Variants in ZC2HC1B observed in about 807,000 individuals in gnomAD.
ZC2HC1B encodes the protein zinc finger C2HC-type containing 1B.
ZC2HC1B carries 36 observed loss-of-function variants against 31.0 expected under a neutral mutation model. The ratio of observed to expected loss-of-function variants is 1.16; its 90% CI spans 0.89 to 1.54. The LOEUF (loss-of-function observed/expected upper bound fraction) is 1.54, where lower values mean the gene tolerates loss of function less well. Ranked by LOEUF, ZC2HC1B falls within the 40% of genes most tolerant of loss-of-function variation. The pLI is 0.00. For missense variants in ZC2HC1B, 260 were observed against 268.6 expected (o/e 0.97, Z 0.22); for synonymous variants, 73 against 88.0 (o/e 0.83, Z 0.95).
chr6:143,919,676 A>G (rs1445508152), intron 6 of ZC2HC1B, among the ~76,000 whole-genome samples: 1 of 152,206 alleles, frequency 6.6e-6, no homozygotes, highest in Non-Finnish European at 1.5e-5. Context: ...GGCCATGTCC[A>G]GATTGATCCA....
intron 6 of ZC2HC1B, among the ~76,000 whole-genome samples, chr6:143,931,616 G>A (rs149892939): frequency 6.6e-6 from 1 of 152,208 alleles, no homozygotes; most frequent in East Asian, 1.9e-4. Context: ...AGAAGTCTTG[G>A]CTGGCAATTA....
At chr6:143,902,925 G>A (rs2128495239) in intron 5 of ZC2HC1B, 119 bp from the exon 6 acceptor site, 1 of 841,452 alleles carries the variant, frequency 1.2e-6, no homozygotes, top group Admixed American at 2.2e-5. Flanking sequence ...GATTCAGGGA[G>A]TCCCTGCAGA....
chr6:143,937,093 T>C (rs1005405430), intron 6 of ZC2HC1B, among the ~76,000 whole-genome samples: 8 of 152,080 alleles, frequency 5.3e-5, no homozygotes, highest in Non-Finnish European at 8.8e-5. Flanking sequence ...TACGATGTGG[T>C]CAAAACTAAG....
Position 143,886,148 on chromosome 6 carries a change from C to A in ZC2HC1B, c.207C>A (p.Ser69=). ...DIPTVKKTPQ[S]KSPPVRKSNW... is the part of the protein sequence containing the mutation. Reference sequence around the variant, plus strand: ...CTACTGTGAAGAAGACTCCACAATCCAAGGTACTCCTGATATCTTCTTTAG... The same window carrying A: ...CTACTGTGAAGAAGACTCCACAATCAAAGGTACTCCTGATATCTTCTTTAG... The change falls in exon 3 of 8, where the codon TCC becomes TCA. Residue 69 remains serine (S), a synonymous_variant. Transcript: ENST00000237275. This position sits in a 1 kb window ranked among gnomAD's most constrained non-coding sequence, Gnocchi z 4.2. The A allele has an allele frequency of 2.6e-6, 4 of 1,535,378 alleles. No homozygotes were observed. Among genetic ancestry groups the A allele is most frequent in the Admixed American group, 2.2e-5 (1 of 46,094 alleles).
At chr6:143,929,597 G>A (rs1375182640) in intron 6 of ZC2HC1B, among the ~76,000 whole-genome samples, 1 of 152,132 alleles carries the variant, frequency 6.6e-6, no homozygotes, top group Non-Finnish European at 1.5e-5. Context: ...TGTAGAATTA[G>A]GGAAGAGTCC....
intron 1 of ZC2HC1B, among the ~76,000 whole-genome samples, chr6:143,878,433 G>A (rs780222587): frequency 8.6e-5 from 13 of 150,448 alleles, no homozygotes; most frequent in Non-Finnish European, 1.5e-4. Context: ...TGCCAAGATC[G>A]CACCACTGTA....
Position 143,903,114 on chromosome 6 carries a change from G to C in ZC2HC1B, c.560G>C (p.Arg187Thr), listed in dbSNP as rs1056874540. The change falls in exon 6 of 8, where the codon AGG becomes ACG. Residue 187 changes from arginine to threonine, a missense_variant. Arg to Thr is a moderately conservative substitution (Grantham distance 71, BLOSUM62 -1). Coordinates refer to ENST00000237275, the MANE Select transcript of ZC2HC1B (RefSeq NM_001013623.3). This position sits in a 1 kb window ranked among gnomAD's most constrained non-coding sequence, Gnocchi z 4.3. ...TSAVGALLQNRVLVATNEVPT... is the reference protein window; with the variant it reads ...TSAVGALLQNTVLVATNEVPT... ...GCTGTGGGAGCTTTGCTGCAGAACA[G>C]GGTCCTGGTGGCCACGAATGAAGTC... 1.9e-5 allele frequency: 30 copies of C among 1,552,084 alleles called. No individual in the cohort carries two copies. Among genetic ancestry groups the C allele is most frequent in the Non-Finnish European group, 2.4e-5 (28 of 1,147,076 alleles).
chr6:143,910,259 A>G (rs1259034692), intron 6 of ZC2HC1B, among the ~76,000 whole-genome samples: 1 of 152,116 alleles, frequency 6.6e-6, no homozygotes, highest in African/African-American at 2.4e-5. Context: ...TTCAGTTTCC[A>G]TGTGATGTGT....
chr6:143,908,333 G>A lies in ZC2HC1B; in HGVS notation c.598+5181G>A, dbSNP rs1346946618. ...TGAAGAATGTCAATGGTAGTTTAAT[G>A]GAAATTGCATTGAATCTGTAAATTG... On this transcript the variant is annotated intron_variant, in intron 6 of 7. Coordinates refer to ENST00000237275, the MANE Select transcript of ZC2HC1B (RefSeq NM_001013623.3). The surrounding 1 kb of genome is among the most constrained non-coding windows in gnomAD (Gnocchi z 4.4). Among the ~76,000 whole-genome samples the A allele has an allele frequency of 6.6e-6, 1 of 152,128 alleles. No homozygotes were observed. Among genetic ancestry groups the A allele is most frequent in the Non-Finnish European group, 1.5e-5 (1 of 68,026 alleles).
In ZC2HC1B at chr6:143,884,933, T is replaced by TC. The variant is rs1777512729; in HGVS notation, c.90+572dup. Among the ~76,000 whole-genome samples the TC allele has an allele frequency of 2.6e-5, 4 of 152,150 alleles. No individual in the cohort carries two copies. Among genetic ancestry groups the TC allele is most frequent in the Admixed American group, 1.3e-4 (2 of 15,268 alleles). On this transcript the variant is annotated intron_variant, in intron 2 of 7. Coordinates refer to ENST00000237275, the MANE Select transcript of ZC2HC1B (RefSeq NM_001013623.3). This position sits in a 1 kb window ranked among gnomAD's most constrained non-coding sequence, Gnocchi z 5.1. ...AGATTCAAGCTAACGGCATGTCAAG[T>TC]CCCCGATTGATGGCTATAAAGTTGA...
chr6:143,904,993 G>A (rs1485253086), intron 6 of ZC2HC1B, among the ~76,000 whole-genome samples: 1 of 152,136 alleles, frequency 6.6e-6, no homozygotes, highest in Non-Finnish European at 1.5e-5. Flanking sequence ...AGTAAGTTTT[G>A]ACATCAGGAA....
At position 143,904,570 on chromosome 6, in the gene ZC2HC1B, A is replaced by ATC. The variant is rs1777772941; in HGVS notation, c.598+1419_598+1420insCT. On this transcript the variant is annotated intron_variant, in intron 6 of 7. Transcript: ENST00000237275. ...AGAGATGAGTTCTCACTATGCTGAT[A>ATC]TTCTCTTGATTCATAAATTTTTAAA... is the stretch of plus-strand genomic sequence containing the variant. 2.0e-5 allele frequency among the ~76,000 whole-genome samples: 3 copies of ATC among 152,284 alleles called. No individual in the cohort carries two copies. The South Asian group carries it at 6.2e-4, about 32-fold the overall frequency.
At position 143,922,108 on chromosome 6, in the gene ZC2HC1B, C is replaced by T; in HGVS notation, c.599-15541C>T. Among the ~76,000 whole-genome samples, 1 of 152,040 alleles carries T rather than the reference C, an allele frequency of 6.6e-6. No individual in the cohort carries two copies. Among genetic ancestry groups the T allele is most frequent in the Non-Finnish European group, 1.5e-5 (1 of 68,010 alleles). On this transcript the variant is annotated intron_variant, in intron 6 of 7. Transcript: ENST00000237275. This position sits in a 1 kb window ranked among gnomAD's most constrained non-coding sequence, Gnocchi z 5.0. ...ATGCCTTTCGTTGATACAAACAAGC[C>T]CATGCATTAGTTAGAATCTCACTTA...
In ZC2HC1B at chr6:143,887,927, C is replaced by T. The variant is rs1052609668; in HGVS notation, c.349+1106C>T. On this transcript the variant is annotated intron_variant, in intron 4 of 7. Coordinates refer to ENST00000237275, the MANE Select transcript of ZC2HC1B (RefSeq NM_001013623.3). This position sits in a 1 kb window ranked among gnomAD's most constrained non-coding sequence, Gnocchi z 5.1. Reference sequence around the variant, plus strand: ...CAAAAGTTTTTCATTTTGATGATGTCCAGTGTATCTGTTTTTTCTTTTGTT... The same window carrying T: ...CAAAAGTTTTTCATTTTGATGATGTTCAGTGTATCTGTTTTTTCTTTTGTT... Among the ~76,000 whole-genome samples the T allele has an allele frequency of 6.6e-6, 1 of 151,946 alleles. No homozygotes were observed. Among genetic ancestry groups the T allele is most frequent in the Admixed American group, 6.6e-5 (1 of 15,240 alleles).
At chr6:143,929,565 T>A (rs1485666944) in intron 6 of ZC2HC1B, among the ~76,000 whole-genome samples, 1 of 152,202 alleles carries the variant, frequency 6.6e-6, no homozygotes. Flanking sequence ...TCTCTACTGA[T>A]GTTGGTAGCA....
chr6:143,888,858 C>T (rs1417457890), intron 4 of ZC2HC1B, among the ~76,000 whole-genome samples: 1 of 152,036 alleles, frequency 6.6e-6, no homozygotes, highest in East Asian at 1.9e-4. Flanking sequence ...TTTACTTCCC[C>T]CTTCCCAATT....
chr6:143,892,000 G>A (rs1318721349), intron 4 of ZC2HC1B, among the ~76,000 whole-genome samples: 8 of 152,190 alleles, frequency 5.3e-5, no homozygotes, highest in Admixed American at 1.3e-4. Context: ...ATCAACAAAT[G>A]ATGGTAGAAC....
intron 6 of ZC2HC1B, among the ~76,000 whole-genome samples, chr6:143,906,765 A>G (rs1321160652): frequency 6.8e-6 from 1 of 147,000 alleles, no homozygotes; most frequent in South Asian, 2.1e-4. Context: ...TTTTTTTATT[A>G]GTCTATCAAG....
rs768391393 is a variant in ZC2HC1B at position 143,917,337 on chromosome 6, A to C, written c.598+14185A>C. Among the ~76,000 whole-genome samples the C allele has an allele frequency of 1.3e-5, 2 of 152,222 alleles. No homozygotes were observed. Among genetic ancestry groups the C allele is most frequent in the Non-Finnish European group, 2.9e-5 (2 of 68,032 alleles). Reference sequence around the variant, plus strand: ...GGATATGTCTTTATCAGCAGCATGAAAACAGACTAATACTACCGTCTTCTT... The same window carrying C: ...GGATATGTCTTTATCAGCAGCATGACAACAGACTAATACTACCGTCTTCTT... On this transcript the variant is annotated intron_variant, in intron 6 of 7. Coordinates refer to ENST00000237275, the MANE Select transcript of ZC2HC1B (RefSeq NM_001013623.3). The surrounding 1 kb of genome is among the most constrained non-coding windows in gnomAD (Gnocchi z 4.1).
Sources: allele counts gnomAD v4.1 joint callset (sites outside exome capture counted in the v4.1 genomes callset), GRCh38; gene constraint gnomAD v4.1.1; non-coding constraint Gnocchi (gnomAD v3.1); transcripts MANE v1.5; gene names NCBI Gene and HGNC (gene_info 2026-07-23, HGNC 2026-07-21).